The following TBX15 variants were observed in gnomAD, a reference collection of about 807,000 sequenced individuals.
The protein encoded by TBX15 is T-box transcription factor 15.
TBX15 carries 18 observed loss-of-function variants against 53.9 expected under a neutral mutation model. The observed-to-expected ratio is 0.33, with a 90% CI of 0.23 to 0.49. The LOEUF (loss-of-function observed/expected upper bound fraction) is 0.49, where lower values mean the gene tolerates loss of function less well. TBX15 is among the 20% of genes least tolerant of loss of function. The pLI is 0.98. For synonymous variants in TBX15, 295 were observed against 278.0 expected, an observed-to-expected ratio of 1.06 and a Z score of -0.61; for missense variants, 692 against 749.5, an observed-to-expected ratio of 0.92 and a Z score of 0.90.
In TBX15 at chr1:118,883,071, G is replaced by C. The variant is rs1233542937; in HGVS notation, c.*1661C>G. 1 of 152,524 alleles carries C rather than the reference G, an allele frequency of 6.6e-6. No homozygotes were observed. The highest frequency in any genetic ancestry group is 2.1e-4 in the South Asian group (1 of 4,826). 9.4% of individuals were successfully genotyped at this position (152,524 alleles called of 1,614,324 possible). A position where few individuals can be genotyped will look rare whatever the true frequency, so the allele number is the denominator to read the frequency against. On this transcript the variant is annotated 3_prime_UTR_variant, in exon 8 of 8. Transcript: ENST00000369429. ...AACAATTGCAAAGATTTTATTTAGC[G>C]GCTTTCTGTGCTTGGCACTTAGAAA...
At chr1:118,890,594 T>G (rs771052585) in intron 7 of TBX15, among the ~76,000 whole-genome samples, 1 of 152,200 alleles carries the variant, frequency 6.6e-6, no homozygotes, top group Non-Finnish European at 1.5e-5. Context: ...AAGGATACGT[T>G]TAGCAGTAAT....
intron 6 of TBX15, among the ~76,000 whole-genome samples, chr1:118,909,222 C>A (rs1159087731): frequency 6.6e-6 from 1 of 152,208 alleles, no homozygotes; most frequent in Non-Finnish European, 1.5e-5. Context: ...GTGGAAGGCA[C>A]AGGAGCCTAA....
chr1:118,903,231 G>A (rs1049362184), intron 6 of TBX15, among the ~76,000 whole-genome samples: 2 of 152,116 alleles, frequency 1.3e-5, no homozygotes, highest in African/African-American at 4.8e-5. Context: ...AGAATGTGCT[G>A]AAGAGAAGGA....
At chr1:118,950,640 ATGTGGTTT>A (rs1241587790) in intron 1 of TBX15, among the ~76,000 whole-genome samples, 8 of 152,286 alleles carry the variant, frequency 5.3e-5, no homozygotes, top group African/African-American at 1.9e-4. Context: ...CTGACCTCTC[ATGTGGTTT>A]TGTTGTTGCT....
intron 5 of TBX15, among the ~76,000 whole-genome samples, chr1:118,918,924 T>C (rs1655335438): frequency 6.6e-6 from 1 of 152,202 alleles, no homozygotes; most frequent in Non-Finnish European, 1.5e-5. Context: ...CATACTATAT[T>C]GCTTGAAAGG....
intron 1 of TBX15, among the ~76,000 whole-genome samples, chr1:118,953,101 G>T (rs1242465228): frequency 2.0e-5 from 3 of 151,010 alleles, no homozygotes; most frequent in African/African-American, 7.3e-5. Context: ...ATACACCTGT[G>T]GCCAACTAAC....
rs1209760501 is a variant in TBX15, at chr1:118,947,342, G to A, written c.206-15510C>T. ...CACTGAAGACTCTGCTGTCATTAAA[G>A]TGAATAATAAATACAGTCAACTGCA... On this transcript the variant is annotated intron_variant, in intron 1 of 7. Transcript: ENST00000369429. Among the ~76,000 whole-genome samples the A allele has an allele frequency of 3.3e-5, 5 of 152,320 alleles. No individual in the cohort carries two copies. In the South Asian group the frequency reaches 1.0e-3, roughly 32 times the overall value.
chr1:118,927,074 C>T (rs1361542241), intron 2 of TBX15, among the ~76,000 whole-genome samples: 1 of 152,136 alleles, frequency 6.6e-6, no homozygotes, highest in Non-Finnish European at 1.5e-5. Context: ...TTCTAATGTC[C>T]TCTAATTCTC....
intron 1 of TBX15, among the ~76,000 whole-genome samples, chr1:118,964,781 C>T (rs1656989647): frequency 6.6e-6 from 1 of 152,222 alleles, no homozygotes; most frequent in Non-Finnish European, 1.5e-5. Context: ...TGCAGCCACT[C>T]TTTGGAGAAA....
intron 1 of TBX15, among the ~76,000 whole-genome samples, chr1:118,981,853 G>A (rs749033479): frequency 7.9e-5 from 12 of 152,206 alleles, no homozygotes; most frequent in Non-Finnish European, 1.2e-4. Context: ...AGACCCCTGA[G>A]TATGTCAGTC....
intron 6 of TBX15, among the ~76,000 whole-genome samples, chr1:118,902,094 A>G (rs1051404190): frequency 3.3e-4 from 50 of 152,216 alleles, no homozygotes; most frequent in African/African-American, 1.2e-3. Flanking sequence ...ATTCTATAAT[A>G]GAAATGATCC....
At chr1:118,930,893 T>C (rs1557888696) in intron 2 of TBX15, among the ~76,000 whole-genome samples, 1 of 152,246 alleles carries the variant, frequency 6.6e-6, no homozygotes, top group Non-Finnish European at 1.5e-5. Context: ...TCTTTCATCC[T>C]CTGCATCCTA....
In TBX15 at chr1:118,890,860, T is replaced by C. The variant is rs200460376; in HGVS notation, c.1025-5344A>G. 5.0e-4 allele frequency: 645 copies of C among 1,301,084 alleles called. 1 individual carries two copies. Among genetic ancestry groups the C allele is most frequent in the Non-Finnish European group, 6.3e-4 (618 of 987,442 alleles). 80.6% of individuals were successfully genotyped at this position (1,301,084 alleles called of 1,614,324 possible). The stretch of plus-strand genomic sequence containing the variant: ...GGCTAGTAAAGAATAAATTTCCATG[T>C]AATTACTTCGTTCCATGAGCCAGAC... On this transcript the variant is annotated intron_variant, in intron 7 of 7. Coordinates refer to ENST00000369429, the MANE Select transcript of TBX15 (RefSeq NM_001330677.2).
chr1:118,917,690 A>T (rs1407369668), intron 5 of TBX15, among the ~76,000 whole-genome samples: 1 of 152,202 alleles, frequency 6.6e-6, no homozygotes, highest in South Asian at 2.1e-4. Flanking sequence ...TCTTGACTGA[A>T]CTATTCTATG....
chr1:118,936,437 C>T (rs1374326788), intron 1 of TBX15, among the ~76,000 whole-genome samples: 3 of 152,082 alleles, frequency 2.0e-5, no homozygotes, highest in Non-Finnish European at 1.5e-5. Context: ...CACATTTACT[C>T]CTGTGGCTCT....
intron 1 of TBX15, among the ~76,000 whole-genome samples, chr1:118,985,015 C>T (rs73011329): frequency 0.014 from 2,165 of 152,168 alleles, 49 homozygotes; most frequent in African/African-American, 0.049. Flanking sequence ...CTAAAGATCG[C>T]GGAATTTTGA....
At chr1:118,899,215 G>C (rs1557875528) in intron 6 of TBX15, 90 bp from the exon 7 acceptor site, 1 of 1,202,032 alleles carries the variant, frequency 8.3e-7, no homozygotes, top group Non-Finnish European at 1.2e-6. Flanking sequence ...CTGTCAAACA[G>C]GTAATAAAAA....
At chr1:118,899,872 C>T (rs1186100771) in intron 6 of TBX15, among the ~76,000 whole-genome samples, 1 of 152,144 alleles carries the variant, frequency 6.6e-6, no homozygotes, top group Non-Finnish European at 1.5e-5. Flanking sequence ...GAGTACATTC[C>T]TTTAAGGCTC....
In TBX15 at chr1:118,884,604, A is replaced by G. The variant is rs1373684900; in HGVS notation, c.*128T>C. On this transcript the variant is annotated 3_prime_UTR_variant, in exon 8 of 8. Coordinates refer to ENST00000369429, the MANE Select transcript of TBX15 (RefSeq NM_001330677.2). ...TGTTCTTGGGTATATGTCTTCGGCCAGAAAAAAAAAAAAAAAAAAAACACG... is the reference window on the plus strand; with the variant it reads ...TGTTCTTGGGTATATGTCTTCGGCCGGAAAAAAAAAAAAAAAAAAAACACG... The G allele has an allele frequency of 7.4e-6, 8 of 1,082,004 alleles. No homozygotes were observed. The highest frequency in any genetic ancestry group is 1.0e-5 in the Non-Finnish European group (8 of 773,158). 67.0% of individuals were successfully genotyped at this position (1,082,004 alleles called of 1,614,324 possible).
Sources: allele counts gnomAD v4.1 joint callset (sites outside exome capture counted in the v4.1 genomes callset), GRCh38; gene constraint gnomAD v4.1.1; transcripts MANE v1.5; gene names NCBI Gene and HGNC (gene_info 2026-07-23, HGNC 2026-07-21).